Variants in MYO1E observed in about 807,000 individuals in gnomAD.
The protein encoded by MYO1E is myosin IE.
In MYO1E, 68 loss-of-function variants were observed where a neutral mutation model predicts 151.1. That is an observed-to-expected ratio of 0.45 (90% confidence interval 0.37 to 0.55). The LOEUF (loss-of-function observed/expected upper bound fraction) is 0.55. Ranked by LOEUF, MYO1E falls within the 20% of genes least tolerant of loss-of-function variation. The pLI is 0.00. For missense variants in MYO1E, 1,363 were observed against 1,389.3 expected (o/e 0.98, Z 0.30); for synonymous variants, 601 against 501.7 (o/e 1.20, Z -2.64).
At chr15:59,236,463 G>T in intron 5 of MYO1E, 122 bp downstream of exon 5, 2 of 749,892 alleles carry the variant, frequency 2.7e-6, no homozygotes, top group South Asian at 1.5e-5. Context: ...CAGATTTCAA[G>T]TTTCACAGTT....
intron 1 of MYO1E, among the ~76,000 whole-genome samples, chr15:59,298,419 T>C (rs952840110): frequency 3.9e-5 from 6 of 152,140 alleles, no homozygotes; most frequent in African/African-American, 1.4e-4. Flanking sequence ...CTCCACAAGG[T>C]GTGAAATCAT....
At chr15:59,352,592 A>G (rs12437549) in intron 1 of MYO1E, among the ~76,000 whole-genome samples, 146,399 of 152,306 alleles carry the variant, frequency 0.96, 70,635 homozygotes, top group East Asian at 1. Flanking sequence ...TCAGATGGGT[A>G]ACCTTAAACA....
chr15:59,145,652 A>G (rs1357473721), intron 26 of MYO1E, among the ~76,000 whole-genome samples: 1 of 152,090 alleles, frequency 6.6e-6, no homozygotes, highest in Non-Finnish European at 1.5e-5. Context: ...TTGGCCTCCC[A>G]AAGTGCTGGG....
In MYO1E at chr15:59,214,224, T is replaced by A. The variant is rs2079899249; in HGVS notation, c.1275+4A>T. The A allele has an allele frequency of 6.2e-7, 1 of 1,605,284 alleles. No individual in the cohort carries two copies. The highest frequency in any genetic ancestry group is 8.5e-7 in the Non-Finnish European group (1 of 1,172,646). On this transcript the variant is annotated splice_donor_region_variant and intron_variant, in intron 12 of 27. Coordinates refer to ENST00000288235, the MANE Select transcript of MYO1E (RefSeq NM_004998.4). ...AATAGGATGAAGGAAGAGGGACTGC[T>A]TACCTGTTCTGCCTTTAATGTCAGT...
chr15:59,317,193 A>G (rs2140414477), intron 1 of MYO1E, among the ~76,000 whole-genome samples: 1 of 152,370 alleles, frequency 6.6e-6, no homozygotes, highest in East Asian at 1.9e-4. Flanking sequence ...GTTGGCAGAT[A>G]GAGATGAACA....
chr15:59,213,370 C>G (rs189331076), intron 12 of MYO1E, among the ~76,000 whole-genome samples: 1 of 151,988 alleles, frequency 6.6e-6, no homozygotes, highest in East Asian at 1.9e-4. Context: ...GGGGTTTCAT[C>G]ATGTTGGCCA....
chr15:59,353,356 C>CAAAA (rs1205997737), intron 1 of MYO1E, among the ~76,000 whole-genome samples: 1 of 57,556 alleles, frequency 1.7e-5, no homozygotes, highest in African/African-American at 6.0e-5. Context: ...GACCCTGTCT[C>CAAAA]AAAAAAAAAA....
At chr15:59,197,239 C>T (rs142125601) in intron 16 of MYO1E, among the ~76,000 whole-genome samples, 2,720 of 152,144 alleles carry the variant, frequency 0.018, 96 homozygotes, top group African/African-American at 0.061. Flanking sequence ...GTGATCCACC[C>T]GCCTCAGCCT....
chr15:59,372,586 A>G lies in MYO1E; in HGVS notation c.-86T>C. 2 of 1,498,732 alleles carry G rather than the reference A, an allele frequency of 1.3e-6. No individual in the cohort carries two copies. Among genetic ancestry groups the G allele is most frequent in the Non-Finnish European group, 1.8e-6 (2 of 1,117,536 alleles). 92.8% of individuals were successfully genotyped at this position (1,498,732 alleles called of 1,614,324 possible). On this transcript the variant is annotated 5_prime_UTR_variant, in exon 1 of 28. Coordinates refer to ENST00000288235, the MANE Select transcript of MYO1E (RefSeq NM_004998.4). Reference sequence around the variant, plus strand: ...ACGCAGTCTTCTGGGCGAACTTCAAAAGTTGGTTCCCCTCGCCAAAAACAG... The same window carrying G: ...ACGCAGTCTTCTGGGCGAACTTCAAGAGTTGGTTCCCCTCGCCAAAAACAG...
intron 1 of MYO1E, among the ~76,000 whole-genome samples, chr15:59,304,221 G>A (rs2080501551): frequency 6.6e-6 from 1 of 152,168 alleles, no homozygotes; most frequent in Non-Finnish European, 1.5e-5. Flanking sequence ...GACCTCAGGT[G>A]AGTCATCTGC....
chr15:59,227,291 C>A (rs2079998014), intron 7 of MYO1E, among the ~76,000 whole-genome samples, 168 bp downstream of exon 7: 1 of 152,250 alleles, frequency 6.6e-6, no homozygotes, highest in Admixed American at 6.5e-5. Flanking sequence ...TTAGAACTCA[C>A]TCTCCTTGAG....
chr15:59,180,256 T>G (rs2079650295), intron 18 of MYO1E, among the ~76,000 whole-genome samples: 1 of 152,170 alleles, frequency 6.6e-6, no homozygotes, highest in Admixed American at 6.5e-5. Context: ...TAAAACAAAT[T>G]AAGCTACACA....
intron 1 of MYO1E, among the ~76,000 whole-genome samples, chr15:59,329,343 T>C (rs1166172103): frequency 6.6e-6 from 1 of 152,162 alleles, no homozygotes; most frequent in Non-Finnish European, 1.5e-5. Flanking sequence ...AGGACTTACC[T>C]AACGTGCCAT....
chr15:59,328,329 G>A (rs1399802181), intron 1 of MYO1E, among the ~76,000 whole-genome samples: 5 of 152,142 alleles, frequency 3.3e-5, no homozygotes, highest in African/African-American at 4.8e-5. Flanking sequence ...CAGGAGGAAA[G>A]AGAACTTGAT....
intron 1 of MYO1E, among the ~76,000 whole-genome samples, chr15:59,273,015 T>C (rs1466082105): frequency 7.2e-5 from 11 of 152,230 alleles, no homozygotes; most frequent in Non-Finnish European, 1.0e-4. Context: ...CATAAACTTA[T>C]CACTGTCATA....
chr15:59,241,743 T>A (rs997534606), intron 4 of MYO1E, among the ~76,000 whole-genome samples: 2 of 151,712 alleles, frequency 1.3e-5, no homozygotes, highest in Non-Finnish European at 2.9e-5. Flanking sequence ...AAAATAAAAA[T>A]TTTTAAATAA....
chr15:59,195,484 C>T lies in MYO1E; in HGVS notation c.1782G>A (p.Lys594=). The T allele has an allele frequency of 6.2e-7, 1 of 1,614,018 alleles. No individual in the cohort carries two copies. The highest frequency in any genetic ancestry group is 8.5e-7 in the Non-Finnish European group (1 of 1,179,904). Residue 594 remains lysine, a synonymous_variant, in exon 17 of 28, where the codon AAG becomes AAA. Coordinates refer to ENST00000288235, the MANE Select transcript of MYO1E (RefSeq NM_004998.4). ...IRCIKPNETK[K]PRDWEESRVK... ...ACCTGCTTTCCTCCCAGTCTCTGGG[C>T]TTCTTGGTTTCGTTTGGCTTGATGC...
intron 1 of MYO1E, among the ~76,000 whole-genome samples, chr15:59,321,817 G>T (rs2080628067): frequency 1.3e-5 from 2 of 151,760 alleles, no homozygotes; most frequent in African/African-American, 4.8e-5. Context: ...GTTGAGCCGA[G>T]ATCACACCAC....
intron 1 of MYO1E, among the ~76,000 whole-genome samples, chr15:59,339,115 G>A (rs1302137118): frequency 6.6e-6 from 1 of 152,198 alleles, no homozygotes; most frequent in African/African-American, 2.4e-5. Flanking sequence ...CTGGGTGGCA[G>A]AGCAAGACTC....
Sources: gnomAD v4.1 joint callset for allele counts (sites outside exome capture counted in the v4.1 genomes callset) on GRCh38, gnomAD v4.1.1 for gene constraint, MANE v1.5 for transcripts, NCBI Gene and HGNC (gene_info 2026-07-23, HGNC 2026-07-21) for gene names.